The following DYRK1A variants were observed in gnomAD, a reference collection of about 807,000 sequenced individuals.
DYRK1A encodes the protein dual specificity tyrosine phosphorylation regulated kinase 1A, also known as dual specificity tyrosine-phosphorylation-regulated kinase 1A.
Under a neutral mutation model 79.7 loss-of-function variants are expected in DYRK1A, and 9 were observed. The observed-to-expected ratio is 0.11, with a 90% CI of 0.07 to 0.20. The LOEUF is 0.20. Among genes scored for constraint, DYRK1A ranks in the 10% least tolerant of loss-of-function variants. The pLI is 1.00. For synonymous variants in DYRK1A, 349 were observed against 329.7 expected, an observed-to-expected ratio of 1.06 and a Z score of -0.63; for missense variants, 622 against 956.0, an observed-to-expected ratio of 0.65 and a Z score of 4.61.
chr21:37,370,831 G>A (rs2049415083), intron 1 of DYRK1A, among the ~76,000 whole-genome samples: 1 of 152,150 alleles, frequency 6.6e-6, no homozygotes, highest in African/African-American at 2.4e-5. Context: ...AAGATATTAC[G>A]TGAAACTATT....
At chr21:37,389,307 G>A (rs1247387762) in intron 1 of DYRK1A, among the ~76,000 whole-genome samples, 1 of 151,542 alleles carries the variant, frequency 6.6e-6, no homozygotes, top group South Asian at 2.1e-4. Flanking sequence ...GGGAATATAG[G>A]CGTACACCAC....
At chr21:37,477,667 T>A (rs1475929289) in intron 3 of DYRK1A, among the ~76,000 whole-genome samples, 2 of 152,056 alleles carry the variant, frequency 1.3e-5, no homozygotes, top group Non-Finnish European at 2.9e-5. Context: ...CTGGAGACAT[T>A]AGGAGCTGAA....
At chr21:37,494,491 T>A (rs896165711) in intron 8 of DYRK1A, among the ~76,000 whole-genome samples, 1 of 151,806 alleles carries the variant, frequency 6.6e-6, no homozygotes, top group African/African-American at 2.4e-5. Context: ...TATTTCTTCC[T>A]TCCTGTGCCT....
chr21:37,383,503 C>T (rs764649943), intron 1 of DYRK1A, among the ~76,000 whole-genome samples: 1 of 152,196 alleles, frequency 6.6e-6, no homozygotes, highest in Non-Finnish European at 1.5e-5. Context: ...CTAATTAAGA[C>T]AATAGATAAT....
chr21:37,395,790 T>C (rs2049950241), intron 1 of DYRK1A, among the ~76,000 whole-genome samples: 1 of 152,204 alleles, frequency 6.6e-6, no homozygotes, highest in African/African-American at 2.4e-5. Flanking sequence ...GGTGGAAACA[T>C]TTACTCTGTG....
At chr21:37,455,366 CAT>C (rs2051602098) in intron 2 of DYRK1A, among the ~76,000 whole-genome samples, 1 of 151,960 alleles carries the variant, frequency 6.6e-6, no homozygotes, top group Non-Finnish European at 1.5e-5. Context: ...TTTTAAATGT[CAT>C]ATGTTTAATA....
intron 9 of DYRK1A, chr21:37,504,641 G>T (rs575674973): frequency 1.3e-5 from 2 of 152,224 alleles, no homozygotes; most frequent in Admixed American, 1.3e-4. Flanking sequence ...TGTCAAAAAT[G>T]AGTTTTCAGG....
At chr21:37,423,525 A>G (rs2050533510) in intron 2 of DYRK1A, among the ~76,000 whole-genome samples, 1 of 152,146 alleles carries the variant, frequency 6.6e-6, no homozygotes, top group Non-Finnish European at 1.5e-5. Flanking sequence ...ACTTTTATAT[A>G]AAGAAACCTG....
intron 2 of DYRK1A, chr21:37,456,047 C>T (rs1157770572): frequency 6.6e-6 from 1 of 152,210 alleles, no homozygotes; most frequent in Non-Finnish European, 1.5e-5. Flanking sequence ...TTTAGAAAAT[C>T]CCATGTTTTA....
rs982220332 is a variant in DYRK1A, at chr21:37,513,007, T to G, written c.*476T>G. On this transcript the variant is annotated 3_prime_UTR_variant, in exon 12 of 12. Transcript: ENST00000647188. ...TGTTTTGGGTGGGAGGGTGGGAAAT[T>G]TGGGTTTTTAAGTCCTCTAAACACA... 2 of 159,576 alleles carry G rather than the reference T, an allele frequency of 1.3e-5. No homozygotes were observed. The highest frequency in any genetic ancestry group is 2.4e-5 in the African/African-American group (1 of 41,208). 9.9% of individuals were successfully genotyped at this position (159,576 alleles called of 1,614,324 possible).
intron 1 of DYRK1A, among the ~76,000 whole-genome samples, chr21:37,396,018 T>G (rs759152208): frequency 1.3e-5 from 2 of 152,190 alleles, no homozygotes; most frequent in Non-Finnish European, 2.9e-5. Flanking sequence ...CTTAAGTCAT[T>G]GCTGTCTTTC....
At chr21:37,403,207 CT>C (rs61175392) in intron 1 of DYRK1A, among the ~76,000 whole-genome samples, 1 of 151,188 alleles carries the variant, frequency 6.6e-6, no homozygotes, top group Non-Finnish European at 1.5e-5. Flanking sequence ...TCTTTTTGTT[CT>C]TTTTTTTATA....
intron 2 of DYRK1A, among the ~76,000 whole-genome samples, chr21:37,467,336 C>T (rs2052065389): frequency 6.6e-6 from 1 of 152,132 alleles, no homozygotes; most frequent in African/African-American, 2.4e-5. Flanking sequence ...CCCAGGTGAT[C>T]CTCTAACCTC....
At chr21:37,422,948 G>A (rs2050516436) in intron 2 of DYRK1A, among the ~76,000 whole-genome samples, 1 of 152,112 alleles carries the variant, frequency 6.6e-6, no homozygotes, top group African/African-American at 2.4e-5. Context: ...GTTAGAACAT[G>A]AATGAAGTAC....
intron 1 of DYRK1A, among the ~76,000 whole-genome samples, chr21:37,384,111 AG>A (rs1339498767): frequency 6.6e-6 from 1 of 152,074 alleles, no homozygotes; most frequent in Non-Finnish European, 1.5e-5. Flanking sequence ...CAGTGCAGGA[AG>A]GGGATCCCAG....
intron 1 of DYRK1A, chr21:37,415,350 G>C (rs1017085843): frequency 6.6e-6 from 1 of 152,180 alleles, no homozygotes; most frequent in African/African-American, 2.4e-5. Flanking sequence ...GTATAATCCA[G>C]CACCCATGTT....
At chr21:37,421,631 C>T (rs556827768) in intron 2 of DYRK1A, 5 of 152,046 alleles carry the variant, frequency 3.3e-5, no homozygotes, top group African/African-American at 4.8e-5. Flanking sequence ...CTGAGTTGCT[C>T]GCTGATTGTT....
At chr21:37,492,292 G>C (rs763679294) in intron 7 of DYRK1A, among the ~76,000 whole-genome samples, 1 of 152,206 alleles carries the variant, frequency 6.6e-6, no homozygotes, top group Non-Finnish European at 1.5e-5. Flanking sequence ...TGGCTGCATG[G>C]TTTGGGTGTT....
intron 8 of DYRK1A, among the ~76,000 whole-genome samples, chr21:37,495,040 G>T (rs2053218633): frequency 6.6e-6 from 1 of 151,514 alleles, no homozygotes; most frequent in Admixed American, 6.6e-5. Context: ...TTTATGTTTT[G>T]TTTATTATTT....
Sources: allele counts gnomAD v4.1 joint callset (sites outside exome capture counted in the v4.1 genomes callset), GRCh38; gene constraint gnomAD v4.1.1; transcripts MANE v1.5; gene names NCBI Gene and HGNC (gene_info 2026-07-23, HGNC 2026-07-21).